Variants in ROBO2 observed in about 807,000 individuals in gnomAD.
ROBO2 encodes the protein roundabout homolog 2.
In ROBO2, 53 loss-of-function variants were observed where a neutral mutation model predicts 160.8. The ratio of observed to expected loss-of-function variants is 0.33; its 90% CI spans 0.26 to 0.41. ROBO2 has a LOEUF of 0.41. ROBO2 is among the 10% of genes least tolerant of loss of function. The pLI, the probability that ROBO2 is intolerant of heterozygous loss-of-function variation, is 1.00. For synonymous variants in ROBO2, 664 were observed against 611.7 expected (o/e 1.09, Z -1.26); for missense variants, 1,577 against 1,722.4 (o/e 0.92, Z 1.49).
intron 2 of ROBO2, among the ~76,000 whole-genome samples, chr3:77,160,179 C>T (rs560486314): frequency 2.6e-5 from 4 of 152,068 alleles, no homozygotes; most frequent in African/African-American, 7.2e-5. Flanking sequence ...ATACAAAACA[C>T]GATTTTCAAT....
intron 2 of ROBO2, among the ~76,000 whole-genome samples, chr3:76,389,383 A>G (rs1023652851): frequency 6.6e-6 from 1 of 152,104 alleles, no homozygotes; most frequent in Non-Finnish European, 1.5e-5. Context: ...AAAATATGGA[A>G]CTCTAGGTTA....
chr3:76,275,366 C>A (rs1707860380), intron 2 of ROBO2, among the ~76,000 whole-genome samples: 1 of 152,000 alleles, frequency 6.6e-6, no homozygotes, highest in Non-Finnish European at 1.5e-5. Flanking sequence ...TCCTCACCTG[C>A]CCCAAAAGTA....
At chr3:77,044,510 A>G (rs2064434187) in intron 1 of ROBO2, among the ~76,000 whole-genome samples, 1 of 150,562 alleles carries the variant, frequency 6.6e-6, no homozygotes, top group African/African-American at 2.4e-5. Context: ...TCTTCTTCTC[A>G]TTCATCGTCT....
intron 2 of ROBO2, among the ~76,000 whole-genome samples, chr3:76,065,164 G>A (rs1011307699): frequency 1.3e-5 from 2 of 152,112 alleles, no homozygotes; most frequent in South Asian, 4.1e-4. Flanking sequence ...TGTAGTGATA[G>A]ACACAGGGTC....
chr3:76,497,791 G>A (rs1007686652), intron 2 of ROBO2, among the ~76,000 whole-genome samples: 1 of 152,108 alleles, frequency 6.6e-6, no homozygotes, highest in Non-Finnish European at 1.5e-5. Context: ...TTCTTCCCAC[G>A]GTCTGTCTTG....
At chr3:77,568,259 G>A in intron 12 of ROBO2, 54 bp from the exon 14 acceptor site, 2 of 1,590,998 alleles carry the variant, frequency 1.3e-6, no homozygotes, top group Non-Finnish European at 1.7e-6. Context: ...AAAATAAATT[G>A]TAATTTTAAT....
intron 2 of ROBO2, among the ~76,000 whole-genome samples, chr3:77,244,136 T>C (rs1376547298): frequency 2.6e-5 from 4 of 152,196 alleles, no homozygotes; most frequent in African/African-American, 7.2e-5. Context: ...ATTGAATTCC[T>C]GATACATAAA....
chr3:77,205,034 C>T (rs775408173), intron 2 of ROBO2, among the ~76,000 whole-genome samples: 19 of 152,132 alleles, frequency 1.2e-4, no homozygotes, highest in African/African-American at 2.4e-4. Flanking sequence ...GCTGCAGCCC[C>T]GTGGTAGGTA....
intron 8 of ROBO2, among the ~76,000 whole-genome samples, chr3:77,552,294 G>A (rs994815954): frequency 2.0e-5 from 3 of 151,826 alleles, no homozygotes; most frequent in African/African-American, 4.8e-5. Flanking sequence ...TTAAGATACC[G>A]GCTATCATTT....
intron 2 of ROBO2, among the ~76,000 whole-genome samples, chr3:77,355,725 T>A (rs142583723): frequency 2.0e-5 from 3 of 152,190 alleles, no homozygotes; most frequent in Admixed American, 2.0e-4. Flanking sequence ...GAAGAAAAAC[T>A]TATTCATCAA....
intron 2 of ROBO2, among the ~76,000 whole-genome samples, chr3:76,896,185 A>G (rs1472361337): frequency 6.6e-6 from 1 of 152,210 alleles, no homozygotes; most frequent in African/African-American, 2.4e-5. Flanking sequence ...TATATAGACT[A>G]TCAATAGCTG....
chr3:76,887,426 A>T lies in ROBO2; in HGVS notation c.110-210588A>T, dbSNP rs144970271. Among the ~76,000 whole-genome samples the T allele has an allele frequency of 1.5e-3, 226 of 152,158 alleles. 2 individuals are homozygous for T. Among genetic ancestry groups the T allele is most frequent in the African/African-American group, 5.2e-3 (214 of 41,518 alleles). ...AAATAAAGCAAAAACAGAGGGAAAG[A>T]GTTGAAAACCCTTTTTCAGAGGATC... On this transcript the variant is annotated intron_variant, in intron 2 of 26. Transcript: ENST00000487694.
At chr3:76,621,714 A>G (rs1018331040) in intron 2 of ROBO2, among the ~76,000 whole-genome samples, 3 of 152,226 alleles carry the variant, frequency 2.0e-5, no homozygotes, top group African/African-American at 7.2e-5. Context: ...AAAAATAGGT[A>G]CCACATAAGT....
At chr3:77,351,843 T>C (rs989677124) in intron 2 of ROBO2, among the ~76,000 whole-genome samples, 9 of 149,578 alleles carry the variant, frequency 6.0e-5, no homozygotes, top group Non-Finnish European at 1.2e-4. Context: ...GTCCTTGCGA[T>C]AGGACAAAAA....
intron 2 of ROBO2, among the ~76,000 whole-genome samples, chr3:77,394,855 C>T (rs1025172924): frequency 6.6e-6 from 1 of 152,088 alleles, no homozygotes; most frequent in Non-Finnish European, 1.5e-5. Context: ...ATCAAGATAT[C>T]GACAAGCTTC....
intron 3 of ROBO2, among the ~76,000 whole-genome samples, chr3:77,480,720 A>G (rs1359088851): frequency 6.6e-6 from 1 of 152,124 alleles, no homozygotes; most frequent in Non-Finnish European, 1.5e-5. Context: ...CTGATTCAGC[A>G]GGATTTTATT....
intron 2 of ROBO2, among the ~76,000 whole-genome samples, chr3:76,598,315 TG>T (rs1307707492): frequency 6.6e-5 from 10 of 152,076 alleles, no homozygotes; most frequent in African/African-American, 1.7e-4. Context: ...TTGTTTGTTT[TG>T]TTTTTTTGTT....
chr3:75,924,681 CTTTTTTTT>C (rs60599175), intron 1 of ROBO2, among the ~76,000 whole-genome samples: 10 of 66,018 alleles, frequency 1.5e-4, no homozygotes, highest in African/African-American at 6.8e-4. Context: ...ATTTTCTTTT[CTTTTTTTT>C]TTTTTTTTTT....
At chr3:77,132,860 G>C (rs1370465374) in intron 2 of ROBO2, among the ~76,000 whole-genome samples, 3 of 152,088 alleles carry the variant, frequency 2.0e-5, no homozygotes, top group Non-Finnish European at 4.4e-5. Flanking sequence ...CAACAAATAT[G>C]TTTTGAACAT....
Sources: gnomAD v4.1 joint callset for allele counts (sites outside exome capture counted in the v4.1 genomes callset) on GRCh38, gnomAD v4.1.1 for gene constraint, MANE v1.5 for transcripts, NCBI Gene and HGNC (gene_info 2026-07-23, HGNC 2026-07-21) for gene names.